WWOX: variants seen among roughly 807,000 people sequenced by gnomAD.
WWOX encodes WW domain-containing oxidoreductase.
In WWOX, 69 loss-of-function variants were observed where a neutral mutation model predicts 46.2. The ratio of observed to expected loss-of-function variants is 1.49; its 90% confidence interval spans 1.23 to 1.82. The LOEUF (loss-of-function observed/expected upper bound fraction) is 1.82. WWOX is among the 40% of genes most tolerant of loss of function. WWOX has a pLI of 0.00. For missense variants in WWOX, 919 were observed against 542.6 expected, an observed-to-expected ratio of 1.69 and a Z score of -6.89; for synonymous variants, 359 against 202.6, an observed-to-expected ratio of 1.77 and a Z score of -6.56.
intron 5 of WWOX, among the ~76,000 whole-genome samples, chr16:78,376,548 C>A (rs140065266): frequency 6.6e-6 from 1 of 152,080 alleles, no homozygotes; most frequent in Admixed American, 6.6e-5. Context: ...AGCTGATGAC[C>A]ACTTGGGGTG....
intron 6 of WWOX, among the ~76,000 whole-genome samples, chr16:78,411,619 C>A (rs895818085): frequency 2.6e-5 from 4 of 152,036 alleles, no homozygotes; most frequent in African/African-American, 9.7e-5. Context: ...ATTTAGGAAC[C>A]ATTAAAAGTT....
chr16:78,708,745 A>T (rs1278778121), intron 8 of WWOX, among the ~76,000 whole-genome samples: 1 of 152,354 alleles, frequency 6.6e-6, no homozygotes, highest in South Asian at 2.1e-4. Context: ...TTAAAAAATT[A>T]AAAAGATACA....
Position 78,608,152 on chromosome 16 carries a change from C to T in WWOX, c.1056+175400C>T, listed in dbSNP as rs117630856. Among the ~76,000 whole-genome samples the T allele has an allele frequency of 1.1e-3, 174 of 152,194 alleles. 1 individual carries two copies. The highest frequency in any genetic ancestry group is 1.9e-3 in the Non-Finnish European group (132 of 68,026). On this transcript the variant is annotated intron_variant, in intron 8 of 8. Coordinates refer to ENST00000566780, the MANE Select transcript of WWOX (RefSeq NM_016373.4). The stretch of plus-strand genomic sequence containing the variant: ...GTGCCTGAAACCCAGAGAGGTCGTA[C>T]GTTGACCATGCCACGGGGCCCTTCC...
chr16:79,164,247 C>T (rs1228715588), intron 8 of WWOX, among the ~76,000 whole-genome samples: 1 of 152,202 alleles, frequency 6.6e-6, no homozygotes. Context: ...GATGCCCCAC[C>T]ACTACCACGC....
chr16:78,173,153 A>G (rs750900383), intron 5 of WWOX, among the ~76,000 whole-genome samples: 1 of 152,224 alleles, frequency 6.6e-6, no homozygotes, highest in Non-Finnish European at 1.5e-5. Flanking sequence ...TTTAAAATGC[A>G]GCTAATTTTT....
chr16:79,005,388 T>C (rs1427209517), intron 8 of WWOX, among the ~76,000 whole-genome samples: 2 of 152,184 alleles, frequency 1.3e-5, no homozygotes, highest in Non-Finnish European at 2.9e-5. Context: ...GATGATGGCA[T>C]AGCACATTCG....
chr16:78,784,620 G>C (rs1273145902), intron 8 of WWOX, among the ~76,000 whole-genome samples: 1 of 152,166 alleles, frequency 6.6e-6, no homozygotes, highest in East Asian at 1.9e-4. Context: ...TGAGATAATA[G>C]ATATAAAGCA....
intron 4 of WWOX, among the ~76,000 whole-genome samples, chr16:78,116,353 G>A (rs1243117134): frequency 6.6e-6 from 1 of 152,174 alleles, no homozygotes; most frequent in African/African-American, 2.4e-5. Context: ...GGGAGGCACA[G>A]GAGGTAAAAA....
rs577060464 is a variant in WWOX at position 78,174,956 on chromosome 16, C to CCAATCTGG, written c.516+10668_516+10675dup. On this transcript the variant is annotated intron_variant, in intron 5 of 8. Transcript: ENST00000566780. ...TGAGCCGAGATCAGGCCACTGCACT[C>CCAATCTGG]CAATCTGGGTGACAGAGCAAGACTC... Among the ~76,000 whole-genome samples the CCAATCTGG allele has an allele frequency of 5.2e-3, 784 of 150,992 alleles. 9 individuals are homozygous for CCAATCTGG. Among genetic ancestry groups the CCAATCTGG allele is most frequent in the African/African-American group, 0.018 (751 of 41,204 alleles).
chr16:79,068,491 T>G (rs2048483372), intron 8 of WWOX, among the ~76,000 whole-genome samples: 1 of 151,984 alleles, frequency 6.6e-6, no homozygotes, highest in South Asian at 2.1e-4. Context: ...CAGAAAGCAC[T>G]GCACGTGTAG....
intron 8 of WWOX, among the ~76,000 whole-genome samples, chr16:78,529,738 A>G (rs1441350049): frequency 6.6e-6 from 1 of 152,058 alleles, no homozygotes; most frequent in African/African-American, 2.4e-5. Context: ...AAGTGCTGGG[A>G]TTATAGGTGT....
At chr16:78,113,234 C>T (rs1447145136) in intron 3 of WWOX, among the ~76,000 whole-genome samples, 1 of 152,174 alleles carries the variant, frequency 6.6e-6, no homozygotes, top group East Asian at 1.9e-4. Flanking sequence ...TGGGGTGGGG[C>T]TTGCAATCTG....
chr16:78,947,290 G>A (rs115723694), intron 8 of WWOX, among the ~76,000 whole-genome samples: 4 of 152,112 alleles, frequency 2.6e-5, no homozygotes, highest in African/African-American at 9.7e-5. Context: ...CCCTGTTTCT[G>A]CCTGAAGCAA....
rs558493961 is a variant in WWOX, at chr16:78,113,505, C to G, written c.231-1471C>G. ...GCAGTGGGCCAGATTTGGCCAGCTC[C>G]TGGTCTAATCTAGAGGAGTAAGCAA... On this transcript the variant is annotated intron_variant, in intron 3 of 8. Transcript: ENST00000566780. Among the ~76,000 whole-genome samples the G allele has an allele frequency of 2.1e-3, 320 of 152,318 alleles. 4 individuals carry two copies. Among genetic ancestry groups the G allele is most frequent in the African/African-American group, 7.4e-3 (309 of 41,556 alleles).
intron 8 of WWOX, among the ~76,000 whole-genome samples, chr16:78,772,298 T>C (rs1411609170): frequency 6.6e-6 from 1 of 152,220 alleles, no homozygotes; most frequent in Non-Finnish European, 1.5e-5. Context: ...CAGTATTTGA[T>C]TTTCTCTTCC....
intron 5 of WWOX, among the ~76,000 whole-genome samples, chr16:78,268,701 C>G (rs1333678499): frequency 3.3e-5 from 5 of 152,188 alleles, no homozygotes; most frequent in African/African-American, 4.8e-5. Context: ...CTTCCCCAAA[C>G]TGGCCAGGTA....
intron 5 of WWOX, among the ~76,000 whole-genome samples, chr16:78,380,550 G>A (rs558671866): frequency 1.2e-4 from 19 of 152,168 alleles, no homozygotes; most frequent in African/African-American, 4.3e-4. Flanking sequence ...TAAGGATAGG[G>A]CTGAATGGTT....
intron 8 of WWOX, among the ~76,000 whole-genome samples, chr16:78,671,983 C>G (rs946133349): frequency 3.3e-5 from 5 of 152,106 alleles, no homozygotes; most frequent in Non-Finnish European, 1.5e-5. Context: ...CCTTGGCAGT[C>G]TACTACGCAA....
chr16:78,509,137 T>C (rs2085293577), intron 8 of WWOX, among the ~76,000 whole-genome samples: 1 of 152,194 alleles, frequency 6.6e-6, no homozygotes, highest in African/African-American at 2.4e-5. Flanking sequence ...GACAAAGTTA[T>C]TCAATTAATA....
Sources: gnomAD v4.1 joint callset for allele counts (sites outside exome capture counted in the v4.1 genomes callset) on GRCh38, gnomAD v4.1.1 for gene constraint, MANE v1.5 for transcripts, NCBI Gene and HGNC (gene_info 2026-07-23, HGNC 2026-07-21) for gene names.